FAM13A: variants seen among roughly 807,000 people sequenced by gnomAD.
FAM13A encodes family with sequence similarity 13 member A, also known as protein FAM13A.
Under a neutral mutation model 129.6 loss-of-function variants are expected in FAM13A, and 76 were observed. That is an observed-to-expected ratio of 0.59 (90% CI 0.49 to 0.71). The LOEUF (loss-of-function observed/expected upper bound fraction) is 0.71, where lower values mean the gene tolerates loss of function less well. Among genes scored for constraint, FAM13A ranks in the 30% least tolerant of loss-of-function variants. The pLI is 0.00. For synonymous variants in FAM13A, 443 were observed against 449.9 expected, an observed-to-expected ratio of 0.98 and a Z score of 0.20; for missense variants, 1,108 against 1,249.3, an observed-to-expected ratio of 0.89 and a Z score of 1.70.
At chr4:88,942,051 C>T (rs1253129862) in intron 4 of FAM13A, among the ~76,000 whole-genome samples, 1 of 152,074 alleles carries the variant, frequency 6.6e-6, no homozygotes, top group African/African-American at 2.4e-5. Context: ...CAGTACTCTG[C>T]CTTCTGGTAC....
At chr4:89,050,048 A>G (rs1037006696) in intron 1 of FAM13A, among the ~76,000 whole-genome samples, 7 of 152,218 alleles carry the variant, frequency 4.6e-5, no homozygotes, top group Non-Finnish European at 7.3e-5. Flanking sequence ...CAAATAGTAC[A>G]GGGAAGTTGA....
chr4:88,797,273 G>GTTT (rs34600800), intron 8 of FAM13A, among the ~76,000 whole-genome samples: 5,737 of 143,074 alleles, frequency 0.04, 167 homozygotes, highest in Non-Finnish European at 0.061. Context: ...AGTTTTGTGG[G>GTTT]TTTTTTTTTT....
intron 7 of FAM13A, among the ~76,000 whole-genome samples, chr4:88,840,315 A>G (rs1298992433): frequency 6.6e-6 from 1 of 152,234 alleles, no homozygotes; most frequent in Non-Finnish European, 1.5e-5. Context: ...AGGAAAGGAT[A>G]TAAAGACAGC....
intron 5 of FAM13A, chr4:88,937,769 C>T (rs937892904): frequency 5.6e-5 from 22 of 392,102 alleles, no homozygotes; most frequent in African/African-American, 3.7e-4. Context: ...GCCATATGCA[C>T]TTATTCCTGC....
intron 4 of FAM13A, among the ~76,000 whole-genome samples, chr4:88,951,728 C>A (rs1459712570): frequency 3.3e-5 from 5 of 152,096 alleles, no homozygotes; most frequent in African/African-American, 1.2e-4. Flanking sequence ...TTCCTCTCTC[C>A]CATCAAAATC....
chr4:88,985,284 G>A (rs1762097512), intron 4 of FAM13A, among the ~76,000 whole-genome samples: 1 of 152,158 alleles, frequency 6.6e-6, no homozygotes, highest in South Asian at 2.1e-4. Context: ...CTAGAGCCAG[G>A]TTGTTGTGGG....
intron 6 of FAM13A, among the ~76,000 whole-genome samples, chr4:88,889,425 A>G (rs989363869): frequency 6.6e-6 from 1 of 152,174 alleles, no homozygotes; most frequent in African/African-American, 2.4e-5. Context: ...GGTTGTAATG[A>G]CTGCTTGGTT....
At chr4:88,732,666 A>G (rs1219932082) in intron 21 of FAM13A, 3 of 152,398 alleles carry the variant, frequency 2.0e-5, no homozygotes, top group Non-Finnish European at 4.4e-5. Context: ...ATTTTCTGAA[A>G]TAATACAACA....
chr4:89,023,491 G>C (rs900773332), intron 2 of FAM13A, among the ~76,000 whole-genome samples: 2 of 142,964 alleles, frequency 1.4e-5, no homozygotes. Flanking sequence ...AGGTTTTTTT[G>C]AACCTTCCCC....
intron 7 of FAM13A, among the ~76,000 whole-genome samples, chr4:88,849,515 C>T (rs559979867): frequency 6.6e-6 from 1 of 152,208 alleles, no homozygotes; most frequent in Non-Finnish European, 1.5e-5. Context: ...CTTTCTCCCC[C>T]TCCTTATGTC....
intron 19 of FAM13A, among the ~76,000 whole-genome samples, chr4:88,744,099 G>A (rs1740802863): frequency 6.6e-6 from 1 of 152,150 alleles, no homozygotes; most frequent in African/African-American, 2.4e-5. Context: ...ATTTATAAAT[G>A]GCTCCAGAAT....
chr4:88,894,977 ATTCT>A (rs1458368118), intron 6 of FAM13A, among the ~76,000 whole-genome samples: 7 of 152,244 alleles, frequency 4.6e-5, no homozygotes, highest in Admixed American at 1.3e-4. Flanking sequence ...TTCAAAAGTT[ATTCT>A]TTATTAACAC....
intron 6 of FAM13A, among the ~76,000 whole-genome samples, chr4:88,888,618 C>T (rs1011578895): frequency 6.6e-6 from 1 of 152,166 alleles, no homozygotes; most frequent in East Asian, 1.9e-4. Flanking sequence ...AAGCCTTTGT[C>T]GTTCAAGGCT....
At chr4:88,947,527 C>T (rs957771551) in intron 4 of FAM13A, among the ~76,000 whole-genome samples, 1 of 152,094 alleles carries the variant, frequency 6.6e-6, no homozygotes, top group Non-Finnish European at 1.5e-5. Flanking sequence ...GCCTAATTTC[C>T]GAAACAGGCC....
intron 6 of FAM13A, among the ~76,000 whole-genome samples, chr4:88,870,278 T>A (rs1741132395): frequency 6.6e-6 from 1 of 152,176 alleles, no homozygotes; most frequent in East Asian, 1.9e-4. Flanking sequence ...TCACTGGGAC[T>A]GGTTGGACAG....
At chr4:88,835,773 G>A (rs1467772144) in intron 7 of FAM13A, among the ~76,000 whole-genome samples, 1 of 152,036 alleles carries the variant, frequency 6.6e-6, no homozygotes, top group Non-Finnish European at 1.5e-5. Context: ...CTGACAGGAG[G>A]CAGAGCTCAA....
At chr4:88,967,101 GGTT>G (rs1284020277) in intron 4 of FAM13A, among the ~76,000 whole-genome samples, 3 of 152,086 alleles carry the variant, frequency 2.0e-5, no homozygotes, top group South Asian at 2.1e-4. Context: ...TAACTTCTAG[GGTT>G]GTTATTAGGA....
intron 4 of FAM13A, among the ~76,000 whole-genome samples, chr4:88,966,598 T>G (rs1331395089): frequency 6.6e-6 from 1 of 152,134 alleles, no homozygotes; most frequent in Non-Finnish European, 1.5e-5. Context: ...TCTTATTAAT[T>G]AAGTCTAGGA....
At chr4:88,902,437 G>C (rs946605758) in intron 6 of FAM13A, among the ~76,000 whole-genome samples, 2 of 152,052 alleles carry the variant, frequency 1.3e-5, no homozygotes, top group Admixed American at 6.6e-5. Context: ...TCCCTGGGAT[G>C]CAAGGTTGGT....
Sources: gnomAD v4.1 joint callset for allele counts (sites outside exome capture counted in the v4.1 genomes callset) on GRCh38, gnomAD v4.1.1 for gene constraint, MANE v1.5 for transcripts, NCBI Gene and HGNC (gene_info 2026-07-23, HGNC 2026-07-21) for gene names.